The following F11 variants were observed in gnomAD, a reference collection of about 807,000 sequenced individuals.
The protein encoded by F11 is coagualtion factor XI.
Under a neutral mutation model 76.5 loss-of-function variants are expected in F11, and 78 were observed. The ratio of observed to expected loss-of-function variants is 1.02; its 90% CI spans 0.85 to 1.23. F11 has a LOEUF of 1.23. Among genes scored for constraint, F11 ranks in the 50% most tolerant of loss-of-function variants. The pLI is 0.00. For synonymous variants in F11, 278 were observed against 276.3 expected (o/e 1.01, Z -0.06); for missense variants, 742 against 771.4 (o/e 0.96, Z 0.45).
chr4:186,285,543 A>G (rs1445818518), intron 11 of F11, 95 bp from the exon 12 acceptor site: 3 of 1,295,466 alleles, frequency 2.3e-6, no homozygotes, highest in Admixed American at 3.6e-5. Flanking sequence ...ATTGGCAGAA[A>G]ATATTAGTAA....
At chr4:186,281,822 T>A in intron 10 of F11, 1 of 1,138,446 alleles carries the variant, frequency 8.8e-7, no homozygotes, top group Middle Eastern at 2.5e-4. Flanking sequence ...GATTATCTGC[T>A]GTACCGAGAA....
In F11 at chr4:186,284,155, C is replaced by T. The variant is rs533335580; in HGVS notation, c.1199C>T (p.Pro400Leu). 9 of 1,614,208 alleles carry T rather than the reference C, an allele frequency of 5.6e-6. No homozygotes were observed. The highest frequency in any genetic ancestry group is 1.3e-5 in the African/African-American group (1 of 75,044). The change falls in exon 11 of 15, where the codon CCG (proline) becomes CTG (leucine). Residue 400 changes from proline (P) to leucine (L), a missense_variant. By Grantham distance (98) the Pro-to-Leu change is moderately conservative (BLOSUM62 -3). Transcript: ENST00000403665. ...ACTGCGTCTGTTCGTGGTGAGTGGC[C>T]GTGGCAGGTGACCCTGCACACAACC... ...GGTASVRGEW[P>L]WQVTLHTTSP...
chr4:186,267,245 T>G, intron 2 of F11, 54 bp downstream of exon 2: 1 of 1,036,920 alleles, frequency 9.6e-7, no homozygotes, highest in Non-Finnish European at 1.5e-6. Context: ...CACACTGCAA[T>G]CTCCACACAT....
intron 14 of F11, 57 bp downstream of exon 14, chr4:186,287,880 G>A: frequency 6.3e-7 from 1 of 1,581,042 alleles, no homozygotes; most frequent in African/African-American, 1.4e-5. Flanking sequence ...TTAATGCGTT[G>A]GGGTTTTTTT....
In F11 at chr4:186,287,770, A is replaced by G. The variant is rs772866283; in HGVS notation, c.1663A>G (p.Thr555Ala). ...GAAGAGATACAGAGGACATAAAATA[A>G]CCCATAAGATGATCTGTGCCGGCTA... Reference protein sequence around the residue: ...CQKRYRGHKITHKMICAGYRE... With the variant: ...CQKRYRGHKIAHKMICAGYRE... Residue 555 changes from threonine to alanine, a missense_variant, in exon 14 of 15, where the codon ACC becomes GCC. Thr to Ala is a moderately conservative substitution (Grantham distance 58). Coordinates refer to ENST00000403665, the MANE Select transcript of F11 (RefSeq NM_000128.4). 5 of 1,613,748 alleles carry G rather than the reference A, an allele frequency of 3.1e-6. No homozygotes were observed. The South Asian group carries it at 5.5e-5, about 18-fold the overall frequency.
rs2126720201 is a variant in F11 at position 186,271,656 on chromosome 4, A to G, written c.103A>G (p.Ile35Val). Reference protein sequence around the residue: ...LKDTCFEGGDITTVFTPSAKY... With the variant: ...LKDTCFEGGDVTTVFTPSAKY... ...GGACACCTGCTTTGAAGGAGGGGAC[A>G]TTACTACGGTCTTCACACCAAGCGC... The change falls in exon 3 of 15, where the codon ATT becomes GTT. Residue 35 changes from isoleucine (I) to valine (V), a missense_variant. Physicochemically the swap from Ile to Val is conservative, Grantham distance 29 (BLOSUM62 3). Coordinates refer to ENST00000403665, the MANE Select transcript of F11 (RefSeq NM_000128.4). 2.5e-6 allele frequency: 4 copies of G among 1,614,090 alleles called. No homozygotes were observed. The highest frequency in any genetic ancestry group is 2.5e-6 in the Non-Finnish European group (3 of 1,180,032).
At chr4:186,276,174 G>A (rs990159116) in intron 6 of F11, 57 bp from the exon 7 acceptor site, 6 of 1,605,556 alleles carry the variant, frequency 3.7e-6, no homozygotes, top group East Asian at 2.2e-5. Context: ...TACTGTGACC[G>A]GAATTTTCCT....
intron 4 of F11, 148 bp downstream of exon 4, chr4:186,273,325 G>C: frequency 1.4e-6 from 1 of 714,562 alleles, no homozygotes; most frequent in Non-Finnish European, 2.6e-6. Context: ...GTATAAACTA[G>C]TATACATACA....
intron 2 of F11, among the ~76,000 whole-genome samples, chr4:186,268,980 A>C: frequency 6.6e-6 from 1 of 152,178 alleles, no homozygotes; most frequent in East Asian, 1.9e-4. Flanking sequence ...GGTCAACATA[A>C]CCCCTTTCTA....
In F11 at chr4:186,276,366, A is replaced by G. The variant is rs5969; in HGVS notation, c.731A>G (p.Gln244Arg). ...PGCLFFTFFS[Q>R]EWPKESQRNL... is the part of the protein sequence containing the mutation. ...TGCTTGTTTTTTACCTTCTTTTCCC[A>G]GGAATGGCCCAAAGAATCTCAAAGG... is the stretch of plus-strand genomic sequence containing the variant. The change falls in exon 7 of 15, where the codon CAG becomes CGG. Residue 244 changes from glutamine to arginine, a missense_variant. Coordinates refer to ENST00000403665, the MANE Select transcript of F11 (RefSeq NM_000128.4). The G allele has an allele frequency of 1.6e-3, 2,549 of 1,614,074 alleles. 14 individuals are homozygous for G. In the African/African-American group the frequency reaches 0.017, roughly 11 times the overall value.
chr4:186,280,365 A>G lies in F11; in HGVS notation c.1008A>G (p.Gln336=), dbSNP rs376999986. ...RCQFFTYTPA[Q]ASCNEGKGKC... is the part of the protein sequence containing the mutation. ...AGTTTTTTACCTATACCCCAGCCCA[A>G]GCATCCTGCAACGAAGGGAAGTAAG... Residue 336 remains glutamine, a synonymous_variant, in exon 9 of 15, where the codon CAA becomes CAG. Transcript: ENST00000403665. 5.6e-6 allele frequency: 9 copies of G among 1,614,062 alleles called. No individual in the cohort carries two copies. Among genetic ancestry groups the G allele is most frequent in the Admixed American group, 5.0e-5 (3 of 60,006 alleles).
At chr4:186,272,882 G>T (rs1156371558) in intron 3 of F11, 189 bp from the exon 4 acceptor site, 7 of 545,904 alleles carry the variant, frequency 1.3e-5, no homozygotes, top group African/African-American at 9.5e-5. Flanking sequence ...AGTATTACAT[G>T]CAGTCTCTTA....
At position 186,284,123 on chromosome 4, in the gene F11, T is replaced by C; in HGVS notation, c.1167T>C (p.Val389=). The change falls in exon 11 of 15, where the codon GTT becomes GTC. Residue 389 remains valine, a synonymous_variant. Coordinates refer to ENST00000403665, the MANE Select transcript of F11 (RefSeq NM_000128.4). ...ECTTKIKPRI[V]GGTASVRGEW... Reference sequence around the variant, plus strand: ...CCACCAAAATCAAGCCCAGGATCGTTGGAGGAACTGCGTCTGTTCGTGGTG... The same window carrying C: ...CCACCAAAATCAAGCCCAGGATCGTCGGAGGAACTGCGTCTGTTCGTGGTG... The C allele has an allele frequency of 6.2e-7, 1 of 1,614,222 alleles. No homozygotes were observed. Among genetic ancestry groups the C allele is most frequent in the Non-Finnish European group, 8.5e-7 (1 of 1,180,050 alleles).
Position 186,267,163 on chromosome 4 carries a change from T to G in F11, c.27T>G (p.His9Gln). ...TGATTTTCTTATATCAAGTGGTACATTTCATTTTATTTACTTCAGTTTCTG... is the reference window on the plus strand; with the variant it reads ...TGATTTTCTTATATCAAGTGGTACAGTTCATTTTATTTACTTCAGTTTCTG... Reference protein sequence around the residue: MIFLYQVVHFILFTSVSGE... With the variant: MIFLYQVVQFILFTSVSGE... The change falls in exon 2 of 15, where the codon CAT becomes CAG. Residue 9 changes from histidine to glutamine, a missense_variant. His to Gln is a conservative substitution (Grantham distance 24). Coordinates refer to ENST00000403665, the MANE Select transcript of F11 (RefSeq NM_000128.4). 1.9e-6 allele frequency: 3 copies of G among 1,582,290 alleles called. No individual in the cohort carries two copies. Among genetic ancestry groups the G allele is most frequent in the Non-Finnish European group, 2.6e-6 (3 of 1,150,966 alleles).
intron 11 of F11, among the ~76,000 whole-genome samples, chr4:186,284,607 G>A (rs1016882611): frequency 1.3e-5 from 2 of 151,688 alleles, no homozygotes; most frequent in Non-Finnish European, 2.9e-5. Flanking sequence ...ACCATTGTCT[G>A]AATCAAATTT....
Position 186,280,212 on chromosome 4 carries a change from C to T in F11, c.866-11C>T, listed in dbSNP as rs756661518. ...GGAGGGTCTCACTCTGACATGTGGT[C>T]TGCTGTCTAGTGTTCTGCCATTCTT... On this transcript the variant is annotated splice_polypyrimidine_tract_variant and intron_variant, in intron 8 of 14. Coordinates refer to ENST00000403665, the MANE Select transcript of F11 (RefSeq NM_000128.4). 1 of 1,614,154 alleles carries T rather than the reference C, an allele frequency of 6.2e-7. No individual in the cohort carries two copies. Among genetic ancestry groups the T allele is most frequent in the Non-Finnish European group, 8.5e-7 (1 of 1,180,024 alleles).
At chr4:186,282,646 C>G (rs926997906) in intron 10 of F11, 2 of 985,112 alleles carry the variant, frequency 2.0e-6, no homozygotes, top group East Asian at 2.3e-4. Flanking sequence ...ATCTTAGTTA[C>G]TATTTACCTA....
intron 6 of F11, 143 bp from the exon 7 acceptor site, chr4:186,276,088 T>C: frequency 9.7e-7 from 1 of 1,031,656 alleles, no homozygotes; most frequent in Non-Finnish European, 1.4e-6. Flanking sequence ...AAAATAATCA[T>C]GCCATTTTCT....
intron 2 of F11, among the ~76,000 whole-genome samples, chr4:186,268,516 T>G (rs997870273): frequency 3.3e-5 from 5 of 152,234 alleles, no homozygotes; most frequent in Admixed American, 6.5e-5. Flanking sequence ...AAAATTATAC[T>G]GATCATGTTA....
Sources: gnomAD v4.1 joint callset for allele counts (sites outside exome capture counted in the v4.1 genomes callset) on GRCh38, gnomAD v4.1.1 for gene constraint, MANE v1.5 for transcripts, NCBI Gene and HGNC (gene_info 2026-07-23, HGNC 2026-07-21) for gene names.